The following MAP3K13 variants were observed in gnomAD, a reference collection of about 807,000 sequenced individuals.
The protein encoded by MAP3K13 is leucine zipper-bearing kinase.
MAP3K13 carries 52 observed loss-of-function variants against 104.0 expected under a neutral mutation model. The ratio of observed to expected loss-of-function variants is 0.50; its 90% CI spans 0.40 to 0.63. MAP3K13 has a LOEUF of 0.63. Ranked by LOEUF, MAP3K13 falls within the 20% of genes least tolerant of loss-of-function variation. MAP3K13 has a pLI of 0.00. For missense variants in MAP3K13, 914 were observed against 1,218.5 expected (o/e 0.75, Z 3.72); for synonymous variants, 394 against 442.2 (o/e 0.89, Z 1.37).
intron 1 of MAP3K13, among the ~76,000 whole-genome samples, chr3:185,380,121 G>C (rs1276428748): frequency 6.6e-6 from 1 of 151,972 alleles, no homozygotes; most frequent in Non-Finnish European, 1.5e-5. Context: ...AGGAGGCAGA[G>C]GTTGCAGTGA....
At chr3:185,302,706 G>A (rs1297728447) in intron 2 of MAP3K13, among the ~76,000 whole-genome samples, 1 of 152,074 alleles carries the variant, frequency 6.6e-6, no homozygotes. Flanking sequence ...TTTGTATTCT[G>A]CAACTTTGCT....
At chr3:185,367,529 T>C (rs531933717) in intron 1 of MAP3K13, among the ~76,000 whole-genome samples, 1 of 152,286 alleles carries the variant, frequency 6.6e-6, no homozygotes, top group African/African-American at 2.4e-5. Flanking sequence ...AGTGAGGGTA[T>C]CATTGGAAGT....
intron 1 of MAP3K13, among the ~76,000 whole-genome samples, chr3:185,376,015 A>G (rs757178869): frequency 1.5e-4 from 23 of 152,170 alleles, no homozygotes; most frequent in African/African-American, 5.1e-4. Flanking sequence ...GAATGATACT[A>G]TAGCATAGCT....
chr3:185,455,661 T>TATATGAGATATATATATCATATATATGAG (rs1278405431), intron 7 of MAP3K13, among the ~76,000 whole-genome samples: 7 of 23,762 alleles, frequency 2.9e-4, no homozygotes, highest in South Asian at 1.7e-3. Context: ...ATATATGATA[T>TATATGAGATATATATATCATATATATGAG]ATATATGATA....
At chr3:185,328,685 T>C (rs1456159925) in intron 2 of MAP3K13, 1 of 152,296 alleles carries the variant, frequency 6.6e-6, no homozygotes, top group Non-Finnish European at 1.5e-5. Flanking sequence ...TTTTAAGATT[T>C]TTCAGGCTTT....
chr3:185,375,953 G>A (rs536217414), intron 1 of MAP3K13, among the ~76,000 whole-genome samples: 17 of 152,306 alleles, frequency 1.1e-4, no homozygotes, highest in Non-Finnish European at 2.1e-4. Context: ...TCAAGTTAAG[G>A]CAGTCAGTTT....
At chr3:185,341,201 T>C (rs1246447418) in intron 2 of MAP3K13, among the ~76,000 whole-genome samples, 1 of 152,098 alleles carries the variant, frequency 6.6e-6, no homozygotes, top group Non-Finnish European at 1.5e-5. Flanking sequence ...TATGAGGTCA[T>C]AGTAGTTAGG....
chr3:185,300,681 A>G (rs1721074434), intron 2 of MAP3K13, among the ~76,000 whole-genome samples: 1 of 150,782 alleles, frequency 6.6e-6, no homozygotes, highest in African/African-American at 2.4e-5. Flanking sequence ...TAGTAGAGAC[A>G]GGGATTCACC....
At chr3:185,384,644 T>C (rs1292041808) in intron 1 of MAP3K13, among the ~76,000 whole-genome samples, 1 of 152,210 alleles carries the variant, frequency 6.6e-6, no homozygotes, top group Non-Finnish European at 1.5e-5. Flanking sequence ...TTTTTGATAA[T>C]AGCCATTCTA....
rs375416373 is a variant in MAP3K13, at chr3:185,480,240, G to A, written c.2510G>A (p.Arg837His). 12 of 1,613,532 alleles carry A rather than the reference G, an allele frequency of 7.4e-6. No individual in the cohort carries two copies. The highest frequency in any genetic ancestry group is 2.2e-5 in the South Asian group (2 of 91,078). Reference sequence around the variant, plus strand: ...GTTCTTCTTGGTTCTAGGCCCCATCGCTGTATCAGCAGCTGCCAGTCATAT... The same window carrying A: ...GTTCTTCTTGGTTCTAGGCCCCATCACTGTATCAGCAGCTGCCAGTCATAT... Reference protein sequence around the residue: ...VEFPRRQRPHRCISSCQSYST... With the variant: ...VEFPRRQRPHHCISSCQSYST... Residue 837 changes from arginine to histidine, a missense_variant, in exon 13 of 14, where the codon CGC (arginine) becomes CAC (histidine). By Grantham distance (29) the Arg-to-His change is conservative (BLOSUM62 0). Transcript: ENST00000265026.
At chr3:185,389,805 T>G (rs1451528352) in intron 1 of MAP3K13, among the ~76,000 whole-genome samples, 1 of 151,942 alleles carries the variant, frequency 6.6e-6, no homozygotes, top group Non-Finnish European at 1.5e-5. Flanking sequence ...TGTTAAGTAT[T>G]TATTAATTTA....
At chr3:185,322,655 A>T (rs543718140) in intron 2 of MAP3K13, among the ~76,000 whole-genome samples, 1 of 152,134 alleles carries the variant, frequency 6.6e-6, no homozygotes, top group African/African-American at 2.4e-5. Flanking sequence ...CAACTAGGAC[A>T]TTTTAGAGTC....
intron 1 of MAP3K13, among the ~76,000 whole-genome samples, 192 bp from the exon 2 acceptor site, chr3:185,428,305 T>C (rs1560101115): frequency 6.6e-6 from 1 of 152,194 alleles, no homozygotes; most frequent in South Asian, 2.1e-4. Flanking sequence ...TAATGTGTCA[T>C]GGATATTTTG....
intron 1 of MAP3K13, among the ~76,000 whole-genome samples, chr3:185,394,662 T>C (rs1712273650): frequency 6.6e-6 from 1 of 152,222 alleles, no homozygotes; most frequent in East Asian, 1.9e-4. Flanking sequence ...CAACATCTCA[T>C]GGAATTTTCA....
At chr3:185,401,129 T>C (rs2108777473) in intron 1 of MAP3K13, among the ~76,000 whole-genome samples, 1 of 152,308 alleles carries the variant, frequency 6.6e-6, no homozygotes, top group Non-Finnish European at 1.5e-5. Flanking sequence ...GCAGTTTTCA[T>C]TTGATGGTAA....
chr3:185,396,958 G>A (rs1363153282), intron 1 of MAP3K13, among the ~76,000 whole-genome samples: 2 of 152,072 alleles, frequency 1.3e-5, no homozygotes, highest in African/African-American at 4.8e-5. Flanking sequence ...ACGTGTCATT[G>A]TTCTGTTAAC....
intron 1 of MAP3K13, among the ~76,000 whole-genome samples, chr3:185,427,485 CA>C (rs1714494727): frequency 1.3e-5 from 2 of 152,170 alleles, no homozygotes; most frequent in Non-Finnish European, 2.9e-5. Flanking sequence ...TGCTAATGGA[CA>C]GATCAGAAGC....
chr3:185,288,520 A>ATGTGTATGTGTG (rs1720615938), intron 2 of MAP3K13, among the ~76,000 whole-genome samples: 1 of 7,894 alleles, frequency 1.3e-4, no homozygotes, highest in Non-Finnish European at 4.5e-4. Context: ...AAAAGAGAAT[A>ATGTGTATGTGTG]TGTGTGTGTG....
chr3:185,473,098 C>T lies in MAP3K13; in HGVS notation c.1767C>T (p.Arg589=), dbSNP rs563293114. Residue 589 remains arginine, a synonymous_variant, in exon 11 of 14, where the codon CGC becomes CGT. Coordinates refer to ENST00000265026, the MANE Select transcript of MAP3K13 (RefSeq NM_004721.5). The surrounding 1 kb of genome is among the most constrained non-coding windows in gnomAD (Gnocchi z 4.9). ...SSKSRYRSKP[R]HRRGNSRGSH... Reference sequence around the variant, plus strand: ...AGAGCCGATATCGAAGCAAACCACGCCACCGCCGAGGGAATAGCAGAGGCA... The same window carrying T: ...AGAGCCGATATCGAAGCAAACCACGTCACCGCCGAGGGAATAGCAGAGGCA... 4.8e-4 allele frequency: 774 copies of T among 1,614,170 alleles called. 10 individuals are homozygous for T. In the South Asian group the frequency reaches 7.9e-3, roughly 17 times the overall value.
Sources: allele counts gnomAD v4.1 joint callset (sites outside exome capture counted in the v4.1 genomes callset), GRCh38; gene constraint gnomAD v4.1.1; non-coding constraint Gnocchi (gnomAD v3.1); transcripts MANE v1.5; gene names NCBI Gene and HGNC (gene_info 2026-07-23, HGNC 2026-07-21).